Variants in TMC1 observed in about 807,000 individuals in gnomAD.
The protein encoded by TMC1 is transmembrane channel like 1, also known as transmembrane channel-like protein 1.
TMC1 carries 84 observed loss-of-function variants against 105.8 expected under a neutral mutation model. The ratio of observed to expected loss-of-function variants is 0.79; its 90% CI spans 0.67 to 0.95. The LOEUF is 0.95. Ranked by LOEUF, TMC1 falls within the 40% of genes least tolerant of loss-of-function variation. The pLI, the probability that TMC1 is intolerant of heterozygous loss-of-function variation, is 0.00. For missense variants in TMC1, 817 were observed against 914.1 expected, an observed-to-expected ratio of 0.89 and a Z score of 1.37; for synonymous variants, 315 against 311.5, an observed-to-expected ratio of 1.01 and a Z score of -0.12.
chr9:72,559,910 C>T (rs1824015960), intron 1 of TMC1, among the ~76,000 whole-genome samples: 1 of 152,190 alleles, frequency 6.6e-6, no homozygotes, highest in Non-Finnish European at 1.5e-5. Context: ...ACACTTGGTG[C>T]ACAACCAGAC....
At chr9:72,642,722 G>A (rs2132145225) in intron 4 of TMC1, among the ~76,000 whole-genome samples, 1 of 152,240 alleles carries the variant, frequency 6.6e-6, no homozygotes, top group East Asian at 1.9e-4. Context: ...AAGAAGTATT[G>A]TTTTTCTACT....
intron 10 of TMC1, among the ~76,000 whole-genome samples, chr9:72,748,016 G>A (rs1827520646): frequency 1.3e-5 from 2 of 152,202 alleles, no homozygotes; most frequent in Non-Finnish European, 1.5e-5. Flanking sequence ...TTAGCTGATT[G>A]ATGGATATTA....
At chr9:72,785,879 G>T (rs1828160306) in intron 13 of TMC1, among the ~76,000 whole-genome samples, 2 of 152,184 alleles carry the variant, frequency 1.3e-5, no homozygotes, top group African/African-American at 4.8e-5. Flanking sequence ...TCCACATGTT[G>T]TTTAGTATCG....
rs190221697 is a variant in TMC1, at chr9:72,671,183, A to G, written c.17-17526A>G. Among the ~76,000 whole-genome samples, 3 of 152,332 alleles carry G rather than the reference A, an allele frequency of 2.0e-5. No individual in the cohort carries two copies. The East Asian group carries it at 5.8e-4, about 29-fold the overall frequency. ...GAAATATAATGGGGCATATAATACA[A>G]TGGGGTTATGATCTAATGGTAGTAA... On this transcript the variant is annotated intron_variant, in intron 5 of 23. Coordinates refer to ENST00000297784, the MANE Select transcript of TMC1 (RefSeq NM_138691.3).
At chr9:72,704,095 G>A (rs1826691899) in intron 8 of TMC1, among the ~76,000 whole-genome samples, 1 of 152,192 alleles carries the variant, frequency 6.6e-6, no homozygotes, top group African/African-American at 2.4e-5. Flanking sequence ...ATGCTTGGGA[G>A]TGAGGCAGCT....
At chr9:72,729,894 T>C (rs2117978581) in intron 8 of TMC1, among the ~76,000 whole-genome samples, 1 of 152,334 alleles carries the variant, frequency 6.6e-6, no homozygotes, top group Non-Finnish European at 1.5e-5. Flanking sequence ...TGAACAGCCA[T>C]GTAGAAGTGT....
At chr9:72,524,275 G>A (rs750042183) in intron 1 of TMC1, among the ~76,000 whole-genome samples, 1 of 152,018 alleles carries the variant, frequency 6.6e-6, no homozygotes, top group Admixed American at 6.6e-5. Flanking sequence ...CTGCCCAAAC[G>A]TCTCAAAAAG....
intron 1 of TMC1, among the ~76,000 whole-genome samples, chr9:72,569,160 T>C (rs1053768750): frequency 8.5e-5 from 13 of 152,236 alleles, no homozygotes; most frequent in African/African-American, 3.1e-4. Context: ...ATGCACATCC[T>C]ACTGTATACT....
intron 7 of TMC1, 106 bp from the exon 8 acceptor site, chr9:72,700,412 G>C: frequency 2.2e-6 from 2 of 909,988 alleles, no homozygotes; most frequent in Non-Finnish European, 1.6e-6. Flanking sequence ...ACTGCATATG[G>C]TTACATTTAA....
chr9:72,633,929 C>T (rs931765906), intron 4 of TMC1, among the ~76,000 whole-genome samples: 2 of 152,112 alleles, frequency 1.3e-5, no homozygotes, highest in Non-Finnish European at 2.9e-5. Flanking sequence ...GTTCTTCTTG[C>T]CTGCTGCACA....
At chr9:72,544,742 A>C (rs544846123) in intron 1 of TMC1, among the ~76,000 whole-genome samples, 1 of 150,436 alleles carries the variant, frequency 6.6e-6, no homozygotes, top group East Asian at 2.0e-4. Context: ...GGCCTCCCAA[A>C]GTGCTGGGAT....
At chr9:72,734,007 G>C (rs1240377040) in intron 8 of TMC1, among the ~76,000 whole-genome samples, 1 of 152,150 alleles carries the variant, frequency 6.6e-6, no homozygotes, top group Non-Finnish European at 1.5e-5. Context: ...TAAGCATTGT[G>C]ATACTGTGAC....
intron 4 of TMC1, among the ~76,000 whole-genome samples, chr9:72,637,297 G>T (rs898195671): frequency 1.3e-5 from 2 of 151,496 alleles, no homozygotes; most frequent in Admixed American, 1.3e-4. Flanking sequence ...AGATCCCTTT[G>T]TTCTGAGTAC....
intron 13 of TMC1, among the ~76,000 whole-genome samples, chr9:72,774,884 C>G (rs543656695): frequency 6.6e-6 from 1 of 152,086 alleles, no homozygotes; most frequent in Non-Finnish European, 1.5e-5. Flanking sequence ...TAAGTTTGAG[C>G]GGATTTATGA....
rs1022260371 is a variant in TMC1 at position 72,712,978 on chromosome 9, C to T, written c.362+12335C>T. On this transcript the variant is annotated intron_variant, in intron 8 of 23. Coordinates refer to ENST00000297784, the MANE Select transcript of TMC1 (RefSeq NM_138691.3). Reference sequence around the variant, plus strand: ...TACCTAGTTTATTGAGAGTTTTTAGCATGAAGGGCTGTTGAATTTTGTTGA... The same window carrying T: ...TACCTAGTTTATTGAGAGTTTTTAGTATGAAGGGCTGTTGAATTTTGTTGA... Among the ~76,000 whole-genome samples, 20 of 152,228 alleles carry T rather than the reference C, an allele frequency of 1.3e-4. No homozygotes were observed. In the South Asian group the frequency reaches 1.7e-3, roughly 13 times the overall value.
chr9:72,811,481 C>T (rs1014773374), intron 18 of TMC1, among the ~76,000 whole-genome samples: 1 of 152,138 alleles, frequency 6.6e-6, no homozygotes, highest in African/African-American at 2.4e-5. Flanking sequence ...TAATTTAATA[C>T]AAAGTGTGCC....
At chr9:72,590,984 T>G (rs767861319) in intron 2 of TMC1, among the ~76,000 whole-genome samples, 3 of 152,020 alleles carry the variant, frequency 2.0e-5, no homozygotes, top group Non-Finnish European at 4.4e-5. Flanking sequence ...TAAGTGAGGA[T>G]TCCTAGGCAA....
intron 5 of TMC1, among the ~76,000 whole-genome samples, chr9:72,663,266 C>T (rs890310053): frequency 6.6e-6 from 1 of 152,036 alleles, no homozygotes; most frequent in Non-Finnish European, 1.5e-5. Flanking sequence ...GGTGGGGCCA[C>T]AGGACTGGTT....
chr9:72,787,287 G>C (rs1485641944), intron 13 of TMC1, among the ~76,000 whole-genome samples: 1 of 152,102 alleles, frequency 6.6e-6, no homozygotes, highest in African/African-American at 2.4e-5. Context: ...AGTGGTAGAT[G>C]GATGAAAGGA....
Sources: gnomAD v4.1 joint callset for allele counts (sites outside exome capture counted in the v4.1 genomes callset) on GRCh38, gnomAD v4.1.1 for gene constraint, MANE v1.5 for transcripts, NCBI Gene and HGNC (gene_info 2026-07-23, HGNC 2026-07-21) for gene names.